LHFPL3: variants seen among roughly 807,000 people sequenced by gnomAD.
LHFPL3 encodes the protein LHFPL tetraspan subfamily member 3.
LHFPL3 carries 5 observed loss-of-function variants against 19.3 expected under a neutral mutation model. The observed-to-expected ratio is 0.26, with a 90% CI of 0.14 to 0.54. The LOEUF is 0.54. Ranked by LOEUF, LHFPL3 falls within the 20% of genes least tolerant of loss-of-function variation. The pLI is 0.94. For synonymous variants in LHFPL3, 133 were observed against 126.2 expected (o/e 1.05, Z -0.36); for missense variants, 249 against 307.4 (o/e 0.81, Z 1.42).
chr7:104,560,528 C>A (rs1342716657), intron 1 of LHFPL3, among the ~76,000 whole-genome samples: 1 of 148,712 alleles, frequency 6.7e-6, no homozygotes, highest in Admixed American at 6.7e-5. Context: ...GTGGTGATAT[C>A]CCCTTTATCA....
chr7:104,565,608 C>T (rs1048343846), intron 1 of LHFPL3, among the ~76,000 whole-genome samples: 1 of 152,076 alleles, frequency 6.6e-6, no homozygotes, highest in Non-Finnish European at 1.5e-5. Context: ...TTACTTATGG[C>T]CTGGTACTTT....
chr7:104,537,962 G>A (rs1029000394), intron 1 of LHFPL3, among the ~76,000 whole-genome samples: 2 of 152,162 alleles, frequency 1.3e-5, no homozygotes, highest in African/African-American at 4.8e-5. Flanking sequence ...GGGCTATACA[G>A]ATCATAGTGA....
chr7:104,583,737 G>A (rs1359675986), intron 1 of LHFPL3, among the ~76,000 whole-genome samples: 1 of 151,992 alleles, frequency 6.6e-6, no homozygotes. Flanking sequence ...TCAGAGAAAT[G>A]CAAATCAAAA....
chr7:104,793,977 G>A (rs1346313274), intron 2 of LHFPL3, among the ~76,000 whole-genome samples: 3 of 152,204 alleles, frequency 2.0e-5, no homozygotes, highest in Non-Finnish European at 4.4e-5. Flanking sequence ...GCTCGGTGTG[G>A]ATGGGAAGGG....
chr7:104,661,618 T>G (rs1792224982), intron 1 of LHFPL3, among the ~76,000 whole-genome samples: 2 of 152,184 alleles, frequency 1.3e-5, no homozygotes, highest in African/African-American at 4.8e-5. Flanking sequence ...CATAATACAG[T>G]AGTCCCTCCT....
intron 1 of LHFPL3, among the ~76,000 whole-genome samples, chr7:104,464,350 G>T (rs1202433413): frequency 6.6e-6 from 1 of 152,176 alleles, no homozygotes; most frequent in Non-Finnish European, 1.5e-5. Flanking sequence ...GGTGCAAGCT[G>T]TTGGTGGATA....
chr7:104,892,708 C>CAAAAAA, intron 2 of LHFPL3, among the ~76,000 whole-genome samples: 1 of 68,476 alleles, frequency 1.5e-5, no homozygotes, highest in Non-Finnish European at 2.8e-5. Flanking sequence ...GAGACTGTCT[C>CAAAAAA]AAAAAAAAAA....
At chr7:104,826,100 C>A (rs1448764339) in intron 2 of LHFPL3, among the ~76,000 whole-genome samples, 1 of 151,934 alleles carries the variant, frequency 6.6e-6, no homozygotes, top group Non-Finnish European at 1.5e-5. Flanking sequence ...TGAATAATAA[C>A]TGTTATTATT....
intron 2 of LHFPL3, among the ~76,000 whole-genome samples, chr7:104,864,326 C>G (rs922121393): frequency 6.6e-6 from 1 of 151,768 alleles, no homozygotes; most frequent in African/African-American, 2.4e-5. Context: ...ATTGCCTCAC[C>G]CAGGAAGTGC....
In LHFPL3 at chr7:104,532,455, C is replaced by A. The variant is rs376228380; in HGVS notation, c.445+203231C>A. ...GGGTTATAGGCATGAGCCACTGTGC[C>A]CTGCTAATAATCTGTTTTTAATCTT... On this transcript the variant is annotated intron_variant, in intron 1 of 2. Transcript: ENST00000424859. 3.0e-4 allele frequency among the ~76,000 whole-genome samples: 46 copies of A among 151,862 alleles called. 1 individual carries two copies. The East Asian group carries it at 5.4e-3, about 18-fold the overall frequency.
intron 1 of LHFPL3, among the ~76,000 whole-genome samples, chr7:104,539,174 T>C (rs1794441571): frequency 6.6e-6 from 1 of 152,190 alleles, no homozygotes; most frequent in South Asian, 2.1e-4. Context: ...GATAATAAAT[T>C]TGTGTTATCT....
At chr7:104,603,201 TTC>T (rs1317245857) in intron 1 of LHFPL3, among the ~76,000 whole-genome samples, 9 of 149,542 alleles carry the variant, frequency 6.0e-5, no homozygotes, top group East Asian at 6.0e-4. Context: ...CTTTCTTTCT[TTC>T]TCTTTCTTTC....
chr7:104,817,508 C>A (rs1258710835), intron 2 of LHFPL3, among the ~76,000 whole-genome samples: 1 of 152,202 alleles, frequency 6.6e-6, no homozygotes, highest in Non-Finnish European at 1.5e-5. Context: ...TTTTGCAAGT[C>A]TCCTAAACGC....
intron 2 of LHFPL3, among the ~76,000 whole-genome samples, chr7:104,854,269 GA>G (rs143776057): frequency 0.19 from 29,165 of 152,124 alleles, 3,242 homozygotes; most frequent in South Asian, 0.39. Flanking sequence ...TAAACAAGTG[GA>G]AGGTTTGTTA....
At chr7:104,342,979 T>A (rs762204535) in intron 1 of LHFPL3, among the ~76,000 whole-genome samples, 1 of 148,612 alleles carries the variant, frequency 6.7e-6, no homozygotes, top group Non-Finnish European at 1.5e-5. Context: ...TTCTTTTGCA[T>A]ATTATTAAAG....
intron 1 of LHFPL3, among the ~76,000 whole-genome samples, chr7:104,568,316 G>T (rs1432555223): frequency 1.3e-5 from 2 of 152,154 alleles, no homozygotes; most frequent in Non-Finnish European, 1.5e-5. Context: ...TGTGCTAAAG[G>T]CACTTGTGTT....
At chr7:104,669,230 G>C (rs1792424120) in intron 1 of LHFPL3, 1 of 1,613,880 alleles carries the variant, frequency 6.2e-7, no homozygotes, top group African/African-American at 1.3e-5. Flanking sequence ...CGATCTCAGA[G>C]CTCAGACACA....
intron 1 of LHFPL3, among the ~76,000 whole-genome samples, chr7:104,552,241 G>A (rs562342925): frequency 1.8e-4 from 28 of 152,342 alleles, no homozygotes; most frequent in Non-Finnish European, 3.2e-4. Context: ...TAACCAAGAT[G>A]TGCAGGAATA....
intron 1 of LHFPL3, among the ~76,000 whole-genome samples, chr7:104,394,678 AGTTT>A (rs1295083310): frequency 6.6e-6 from 1 of 151,922 alleles, no homozygotes; most frequent in African/African-American, 2.4e-5. Context: ...AATTGACATT[AGTTT>A]GTTATAATTG....
Sources: allele counts gnomAD v4.1 joint callset (sites outside exome capture counted in the v4.1 genomes callset), GRCh38; gene constraint gnomAD v4.1.1; transcripts MANE v1.5; gene names NCBI Gene and HGNC (gene_info 2026-07-23, HGNC 2026-07-21).